Variants in SGSM1 observed in about 807,000 individuals in gnomAD.
The protein encoded by SGSM1 is RUN and TBC1 domain containing 2.
SGSM1 carries 73 observed loss-of-function variants against 133.8 expected under a neutral mutation model. The observed-to-expected ratio is 0.55, with a 90% CI of 0.45 to 0.66. The LOEUF is 0.66. Among genes scored for constraint, SGSM1 ranks in the 30% least tolerant of loss-of-function variants. The pLI, the probability that SGSM1 is intolerant of heterozygous loss-of-function variation, is 0.00. For synonymous variants in SGSM1, 563 were observed against 573.0 expected, an observed-to-expected ratio of 0.98 and a Z score of 0.25; for missense variants, 1,213 against 1,448.1, an observed-to-expected ratio of 0.84 and a Z score of 2.64.
chr22:24,859,598 G>A, intron 8 of SGSM1, 118 bp from the exon 9 acceptor site: 1 of 1,418,954 alleles, frequency 7.0e-7, no homozygotes, highest in Non-Finnish European at 9.6e-7. Context: ...CCAGGGCCTT[G>A]AAGGGATTAA....
intron 21 of SGSM1, 68 bp downstream of exon 21, chr22:24,905,255 AT>A (rs1410302400): frequency 6.9e-7 from 1 of 1,458,838 alleles, no homozygotes; most frequent in African/African-American, 1.4e-5. Context: ...AGAAGGCTTA[AT>A]CTCACTTTGT....
intron 15 of SGSM1, among the ~76,000 whole-genome samples, chr22:24,885,435 C>CTTT (rs749418833): frequency 5.4e-4 from 66 of 122,058 alleles, no homozygotes; most frequent in Non-Finnish European, 6.6e-4. Flanking sequence ...CATTGAGCAC[C>CTTT]TTTTTTTTTT....
intron 12 of SGSM1, among the ~76,000 whole-genome samples, chr22:24,873,267 T>C: frequency 6.6e-6 from 1 of 151,976 alleles, no homozygotes; most frequent in Non-Finnish European, 1.5e-5. Flanking sequence ...AGCCTCTTGA[T>C]TGTGTTTCTA....
At chr22:24,904,845 G>A (rs1159689190) in intron 20 of SGSM1, among the ~76,000 whole-genome samples, 4 of 152,168 alleles carry the variant, frequency 2.6e-5, no homozygotes, top group African/African-American at 9.7e-5. Flanking sequence ...AAAGGAGTTT[G>A]GATAACATCC....
Position 24,806,238 on chromosome 22 carries a change from G to T in SGSM1, c.-88G>T. ...TCAGCGCTCGGCCCCGCCCCGCCGC[G>T]GCTGCAGCAGCAGCGCCGCGGCCGG... On this transcript the variant is annotated 5_prime_UTR_variant, in exon 1 of 25. Transcript: ENST00000400358. 1 of 1,300,846 alleles carries T rather than the reference G, an allele frequency of 7.7e-7. No individual in the cohort carries two copies. Among genetic ancestry groups the T allele is most frequent in the Non-Finnish European group, 9.7e-7 (1 of 1,030,820 alleles). The allele number at this position is 1,300,846 out of a possible 1,614,324, so 80.6% of individuals were successfully genotyped here. A position where few individuals can be genotyped will look rare whatever the true frequency, so the allele number is the denominator to read the frequency against.
intron 5 of SGSM1, among the ~76,000 whole-genome samples, chr22:24,852,134 A>C (rs941308869): frequency 2.0e-4 from 31 of 152,192 alleles, no homozygotes; most frequent in Admixed American, 1.2e-3. Flanking sequence ...ATTAGTACAG[A>C]GATTACTAAT....
chr22:24,866,293 G>A (rs1931453507), intron 9 of SGSM1, among the ~76,000 whole-genome samples: 1 of 152,282 alleles, frequency 6.6e-6, no homozygotes, highest in East Asian at 1.9e-4. Context: ...AATGGGGTGG[G>A]TGTTATTCTA....
chr22:24,807,911 G>GTT (rs1407905776), intron 2 of SGSM1, among the ~76,000 whole-genome samples: 2 of 151,666 alleles, frequency 1.3e-5, no homozygotes, highest in Non-Finnish European at 2.9e-5. Context: ...GTGTGTGTGT[G>GTT]TCTCTGTGTG....
chr22:24,807,895 G>A (rs1927501756), intron 2 of SGSM1, among the ~76,000 whole-genome samples: 1 of 151,470 alleles, frequency 6.6e-6, no homozygotes, highest in South Asian at 2.1e-4. Flanking sequence ...CTGCGTGTGT[G>A]TGTGTGTGTG....
chr22:24,914,638 A>G (rs1297839330), intron 22 of SGSM1, among the ~76,000 whole-genome samples: 1 of 152,204 alleles, frequency 6.6e-6, no homozygotes, highest in East Asian at 1.9e-4. Context: ...ATATGCATAT[A>G]TTCCTAAACA....
At chr22:24,860,908 AAAAAAAAAAAAAAAATAT>A (rs1931088067) in intron 9 of SGSM1, among the ~76,000 whole-genome samples, 3 of 91,150 alleles carry the variant, frequency 3.3e-5, no homozygotes, top group South Asian at 4.4e-4. Context: ...AAAAAAAAAA[AAAAAAAAAAAAAAAATAT>A]ATATATATAT....
intron 2 of SGSM1, among the ~76,000 whole-genome samples, chr22:24,823,902 C>G (rs1408121420): frequency 6.6e-6 from 1 of 152,120 alleles, no homozygotes; most frequent in Non-Finnish European, 1.5e-5. Context: ...ACACTCTGTC[C>G]CTAAAAATAT....
At chr22:24,822,686 C>T (rs1462106262) in intron 2 of SGSM1, among the ~76,000 whole-genome samples, 4 of 152,122 alleles carry the variant, frequency 2.6e-5, no homozygotes, top group Non-Finnish European at 2.9e-5. Flanking sequence ...GCCACCGTCC[C>T]CTGGCTCTGG....
chr22:24,831,314 G>C (rs538908951), intron 2 of SGSM1, among the ~76,000 whole-genome samples: 1 of 152,124 alleles, frequency 6.6e-6, no homozygotes, highest in East Asian at 1.9e-4. Context: ...CCAGCCCTGC[G>C]GGGAGTTCCA....
At chr22:24,813,046 G>C (rs546828769) in intron 2 of SGSM1, among the ~76,000 whole-genome samples, 1 of 152,342 alleles carries the variant, frequency 6.6e-6, no homozygotes, top group South Asian at 2.1e-4. Context: ...AGGTGGTCAG[G>C]GATGGCCTCA....
chr22:24,815,033 A>T (rs557474522), intron 2 of SGSM1, among the ~76,000 whole-genome samples: 30 of 152,328 alleles, frequency 2.0e-4, no homozygotes, highest in Admixed American at 6.5e-4. Flanking sequence ...GGGGCTAAGA[A>T]TGCTAAACTC....
At chr22:24,869,674 A>G (rs1314667951) in intron 12 of SGSM1, among the ~76,000 whole-genome samples, 2 of 152,252 alleles carry the variant, frequency 1.3e-5, no homozygotes, top group African/African-American at 4.8e-5. Flanking sequence ...CCATAGAGTA[A>G]GGCCTTGCAC....
intron 16 of SGSM1, among the ~76,000 whole-genome samples, chr22:24,891,265 C>T (rs137951477): frequency 0.014 from 2,101 of 152,230 alleles, 42 homozygotes; most frequent in African/African-American, 0.049. Context: ...GAGGCTGAGA[C>T]GGGAGGATTG....
intron 8 of SGSM1, among the ~76,000 whole-genome samples, chr22:24,858,081 A>G (rs1930912647): frequency 6.6e-6 from 1 of 152,154 alleles, no homozygotes; most frequent in African/African-American, 2.4e-5. Context: ...GGCTCAAGCA[A>G]TCCTCCCACC....
Sources: gnomAD v4.1 joint callset for allele counts (sites outside exome capture counted in the v4.1 genomes callset) on GRCh38, gnomAD v4.1.1 for gene constraint, MANE v1.5 for transcripts, NCBI Gene and HGNC (gene_info 2026-07-23, HGNC 2026-07-21) for gene names.